The following IFT74 variants were observed in gnomAD, a reference collection of about 807,000 sequenced individuals.
The protein encoded by IFT74 is intraflagellar transport 74, also known as intraflagellar transport protein 74 homolog.
Under a neutral mutation model 96.7 loss-of-function variants are expected in IFT74, and 92 were observed. The observed-to-expected ratio is 0.95, with a 90% CI of 0.80 to 1.13. The LOEUF (loss-of-function observed/expected upper bound fraction) is 1.13, where lower values mean the gene tolerates loss of function less well. Among genes scored for constraint, IFT74 ranks in the 50% most tolerant of loss-of-function variants. The pLI is 0.00. For missense variants in IFT74, 811 were observed against 698.2 expected (o/e 1.16, Z -1.82); for synonymous variants, 223 against 213.2 (o/e 1.05, Z -0.40).
chr9:26,948,445 A>ATTTTTTTTTTTTTTTTT (rs1554662864), intron 1 of IFT74, among the ~76,000 whole-genome samples: 1 of 47,312 alleles, frequency 2.1e-5, no homozygotes, highest in African/African-American at 5.9e-5. Context: ...ATGGCTTTCC[A>ATTTTTTTTTTTTTTTTT]TTATTTTTTT....
At chr9:26,999,920 A>C (rs571938545) in intron 8 of IFT74, among the ~76,000 whole-genome samples, 1 of 152,014 alleles carries the variant, frequency 6.6e-6, no homozygotes, top group East Asian at 1.9e-4. Context: ...ACAAGCATGC[A>C]CTACCATGCC....
chr9:27,061,789 G>T (rs192209389), intron 19 of IFT74, among the ~76,000 whole-genome samples: 1 of 151,720 alleles, frequency 6.6e-6, no homozygotes, highest in Admixed American at 6.6e-5. Context: ...GTAAGATCCT[G>T]AGAAGTTTGA....
At position 27,026,375 on chromosome 9, in the gene IFT74, A is replaced by G. The variant is rs79131984; in HGVS notation, c.975-2650A>G. 7.4e-3 allele frequency among the ~76,000 whole-genome samples: 1,120 copies of G among 152,280 alleles called. 13 individuals carry two copies. The highest frequency in any genetic ancestry group is 0.026 in the African/African-American group (1,064 of 41,562). ...AACAAATGAGATAGACAGCAATACA[A>G]TTAATAGTGGGGGACTTCAATACTC... On this transcript the variant is annotated intron_variant, in intron 12 of 19. Transcript: ENST00000380062.
intron 2 of IFT74, among the ~76,000 whole-genome samples, chr9:26,971,079 G>T (rs767609403): frequency 6.6e-6 from 1 of 152,174 alleles, no homozygotes; most frequent in Non-Finnish European, 1.5e-5. Flanking sequence ...CTAAACCTGG[G>T]TATGATGTTT....
At position 27,009,059 on chromosome 9, in the gene IFT74, A is replaced by G; in HGVS notation, c.627A>G (p.Glu209=). 6.2e-7 allele frequency: 1 copy of G among 1,613,248 alleles called. No individual in the cohort carries two copies. The change falls in exon 9 of 20, where the codon GAA becomes GAG. Residue 209 remains glutamate, a synonymous_variant. Transcript: ENST00000380062. ...TCAGAAGTGTCGAAGAAGAAATTGA[A>G]CAGGAAAAACAAGCAACAGATGACA... is the stretch of plus-strand genomic sequence containing the variant. The part of the protein sequence containing the change: ...KQIRSVEEEI[E]QEKQATDDII...
At chr9:27,028,940 G>A (rs1325310927) in intron 12 of IFT74, 85 bp from the exon 13 acceptor site, 11 of 1,225,336 alleles carry the variant, frequency 9.0e-6, no homozygotes, top group Non-Finnish European at 1.1e-5. Context: ...TATGCAACTT[G>A]GAAAAGATAT....
Position 26,990,159 on chromosome 9 carries a change from C to T in IFT74, c.551C>T (p.Thr184Ile). 6.7e-7 allele frequency: 1 copy of T among 1,495,692 alleles called. No individual in the cohort carries two copies. The highest frequency in any genetic ancestry group is 8.9e-7 in the Non-Finnish European group (1 of 1,123,644). The allele number at this position is 1,495,692 out of a possible 1,614,324, so 92.7% of individuals were successfully genotyped here. Residue 184 changes from threonine (T) to isoleucine (I), a missense_variant, in exon 8 of 20, where the codon ACA becomes ATA. By Grantham distance (89) the Thr-to-Ile change is moderately conservative. Transcript: ENST00000380062. ...CTTAAAGCTCAAAATGATCGAGAAA[C>T]ACAAAGTTTGGATGTCATATTTACT... The part of the protein sequence containing the change: ...NMLKAQNDRE[T>I]QSLDVIFTER...
At chr9:26,994,011 C>A (rs1489107133) in intron 8 of IFT74, 2 of 152,096 alleles carry the variant, frequency 1.3e-5, no homozygotes, top group Non-Finnish European at 2.9e-5. Context: ...GTGATTATAG[C>A]CAATTGATTA....
At chr9:27,016,766 T>C in intron 10 of IFT74, 141 bp from the exon 11 acceptor site, 1 of 548,964 alleles carries the variant, frequency 1.8e-6, no homozygotes. Flanking sequence ...TGTAGCATTA[T>C]TGAGTACTAA....
At chr9:27,016,572 C>T (rs1005708990) in intron 10 of IFT74, among the ~76,000 whole-genome samples, 3 of 152,162 alleles carry the variant, frequency 2.0e-5, no homozygotes, top group African/African-American at 7.2e-5. Flanking sequence ...TTGAATCAGA[C>T]ATTGTGTTTA....
At chr9:26,979,699 C>CTTT (rs1471270156) in intron 3 of IFT74, among the ~76,000 whole-genome samples, 3 of 110,710 alleles carry the variant, frequency 2.7e-5, no homozygotes, top group African/African-American at 1.1e-4. Flanking sequence ...CCTAGGAACA[C>CTTT]TTTCTTTTTT....
At chr9:27,037,782 AG>A (rs1819270950) in intron 13 of IFT74, among the ~76,000 whole-genome samples, 1 of 152,202 alleles carries the variant, frequency 6.6e-6, no homozygotes, top group African/African-American at 2.4e-5. Flanking sequence ...GCAACACAAT[AG>A]GAAGGCTTGG....
chr9:27,013,985 G>A (rs879452342), intron 10 of IFT74, among the ~76,000 whole-genome samples: 1 of 152,220 alleles, frequency 6.6e-6, no homozygotes, highest in Non-Finnish European at 1.5e-5. Flanking sequence ...GGAGGCCAAG[G>A]CAGGCAGATC....
At chr9:27,047,969 T>G (rs897927078) in intron 15 of IFT74, among the ~76,000 whole-genome samples, 179 bp from the exon 16 acceptor site, 8 of 152,214 alleles carry the variant, frequency 5.3e-5, no homozygotes, top group African/African-American at 1.4e-4. Flanking sequence ...TAGTCTGTCT[T>G]TATTGAGAAA....
intron 12 of IFT74, 139 bp from the exon 13 acceptor site, chr9:27,028,886 T>C (rs1175150729): frequency 5.7e-6 from 4 of 701,372 alleles, no homozygotes; most frequent in South Asian, 2.3e-5. Flanking sequence ...TCGTCAGTTA[T>C]AGTATTGTCC....
chr9:26,977,387 CAGT>C (rs1827174448), intron 2 of IFT74, among the ~76,000 whole-genome samples: 2 of 152,192 alleles, frequency 1.3e-5, no homozygotes, highest in African/African-American at 4.8e-5. Context: ...CTCTTCAGGC[CAGT>C]AGTTCAAGAC....
At chr9:27,009,239 A>T in intron 9 of IFT74, 81 bp downstream of exon 9, 3 of 1,291,572 alleles carry the variant, frequency 2.3e-6, no homozygotes, top group Non-Finnish European at 3.2e-6. Context: ...CAGCATCAGC[A>T]TCCCCTGAGA....
At chr9:27,037,756 G>T (rs551355314) in intron 13 of IFT74, among the ~76,000 whole-genome samples, 3 of 152,284 alleles carry the variant, frequency 2.0e-5, no homozygotes, top group African/African-American at 7.2e-5. Flanking sequence ...ATCAAAAATT[G>T]CCTACCTGTG....
chr9:27,009,577 C>G (rs1828949552), intron 9 of IFT74, among the ~76,000 whole-genome samples: 1 of 151,418 alleles, frequency 6.6e-6, no homozygotes, highest in African/African-American at 2.4e-5. Context: ...ACTTTTAATG[C>G]AAACATTAAA....
Sources: allele counts gnomAD v4.1 joint callset (sites outside exome capture counted in the v4.1 genomes callset), GRCh38; gene constraint gnomAD v4.1.1; transcripts MANE v1.5; gene names NCBI Gene and HGNC (gene_info 2026-07-23, HGNC 2026-07-21).